PTPRQ: variants seen among roughly 807,000 people sequenced by gnomAD.
The protein encoded by PTPRQ is phosphatidylinositol phosphatase PTPRQ.
A neutral mutation model predicts 246.0 loss-of-function variants in PTPRQ; 199 were observed. The ratio of observed to expected loss-of-function variants is 0.81; its 90% confidence interval spans 0.72 to 0.91. The LOEUF is 0.91. Among genes scored for constraint, PTPRQ ranks in the 40% least tolerant of loss-of-function variants. The pLI is 0.00. For missense variants in PTPRQ, 2,624 were observed against 2,528.4 expected (o/e 1.04, Z -0.81); for synonymous variants, 869 against 853.2 (o/e 1.02, Z -0.32).
intron 16 of PTPRQ, among the ~76,000 whole-genome samples, chr12:80,508,668 T>C (rs887225760): frequency 6.6e-6 from 1 of 152,112 alleles, no homozygotes; most frequent in South Asian, 2.1e-4. Flanking sequence ...TGTTAGATTG[T>C]ATTTTAGAAT....
In PTPRQ at chr12:80,534,906, C is replaced by A; in HGVS notation, c.2854C>A (p.Pro952Thr). 1 of 1,549,534 alleles carries A rather than the reference C, an allele frequency of 6.5e-7. No individual in the cohort carries two copies. The highest frequency in any genetic ancestry group is 8.7e-7 in the Non-Finnish European group (1 of 1,146,122). ...TTGTTTTATAGCACCAAGCGATCCT[C>A]CCAAAGATGTTTATTATGCAAACCT... ...QTPEGAPSDPPKDVYYANLSS... is the reference protein window; with the variant it reads ...QTPEGAPSDPTKDVYYANLSS... The change falls in exon 19 of 45, where the codon CCC becomes ACC. Residue 952 changes from proline to threonine, a missense_variant. By Grantham distance (38) the Pro-to-Thr change is conservative. Coordinates refer to ENST00000644991, the MANE Select transcript of PTPRQ (RefSeq NM_001145026.2).
chr12:80,573,098 T>C (rs1311382127), intron 25 of PTPRQ, among the ~76,000 whole-genome samples: 6 of 152,216 alleles, frequency 3.9e-5, no homozygotes, highest in Non-Finnish European at 8.8e-5. Context: ...AATTCACTAG[T>C]GAAACCATCT....
At chr12:80,479,145 A>T (rs1236795395) in intron 8 of PTPRQ, among the ~76,000 whole-genome samples, 1 of 151,934 alleles carries the variant, frequency 6.6e-6, no homozygotes, top group Non-Finnish European at 1.5e-5. Context: ...GGTTACCCTC[A>T]AAGGGAAGCC....
intron 8 of PTPRQ, among the ~76,000 whole-genome samples, chr12:80,480,995 A>G (rs1894027574): frequency 6.6e-6 from 1 of 152,154 alleles, no homozygotes; most frequent in South Asian, 2.1e-4. Context: ...ATCAATAGAA[A>G]AAGAGGGAAT....
chr12:80,655,117 G>A (rs980963071), intron 38 of PTPRQ, among the ~76,000 whole-genome samples: 32 of 152,062 alleles, frequency 2.1e-4, no homozygotes, highest in African/African-American at 7.5e-4. Flanking sequence ...AATAAGAGTG[G>A]TTGATGGGAC....
rs1565840259 is a variant in PTPRQ, at chr12:80,648,076, T to G, written c.5916-821T>G. ...TATTATGCTCTGTTTTTCAAACCAT[T>G]TTTTTTCTTTTATTCATTCTTTGCT... On this transcript the variant is annotated intron_variant, in intron 35 of 44. Transcript: ENST00000644991. Among the ~76,000 whole-genome samples, 3 of 152,050 alleles carry G rather than the reference T, an allele frequency of 2.0e-5. No individual in the cohort carries two copies. In the South Asian group the frequency reaches 6.2e-4, roughly 32 times the overall value.
chr12:80,642,748 G>A (rs1237564085), intron 35 of PTPRQ, among the ~76,000 whole-genome samples: 1 of 150,564 alleles, frequency 6.6e-6, no homozygotes, highest in Non-Finnish European at 1.5e-5. Flanking sequence ...GTGAAACCCC[G>A]TCTCTACTAA....
intron 35 of PTPRQ, among the ~76,000 whole-genome samples, chr12:80,640,522 A>G (rs989553578): frequency 2.6e-5 from 4 of 152,220 alleles, no homozygotes; most frequent in Non-Finnish European, 5.9e-5. Flanking sequence ...GTAATAACAA[A>G]TCAAAAATAA....
At position 80,459,387 on chromosome 12, in the gene PTPRQ, C is replaced by T. The variant is rs1293925927; in HGVS notation, c.564C>T (p.Phe188=). Residue 188 remains phenylalanine, a synonymous_variant, in exon 5 of 45, where the codon TTC becomes TTT. Coordinates refer to ENST00000644991, the MANE Select transcript of PTPRQ (RefSeq NM_001145026.2). ...AACCAAATGGCAAAATTACCAGCTT[C>T]AAGATTAGTGTCAAGCATGCCAGAA... The part of the protein sequence containing the change: ...PRQPNGKITS[F]KISVKHARSG... 3 of 398,330 alleles carry T rather than the reference C, an allele frequency of 7.5e-6. No homozygotes were observed. The highest frequency in any genetic ancestry group is 1.3e-4 in the South Asian group (1 of 7,864). The allele number at this position is 398,330 out of a possible 1,614,324, so 24.7% of individuals were successfully genotyped here.
intron 25 of PTPRQ, among the ~76,000 whole-genome samples, chr12:80,574,952 C>T (rs1011417370): frequency 6.6e-6 from 1 of 152,180 alleles, no homozygotes; most frequent in Non-Finnish European, 1.5e-5. Flanking sequence ...ACTTTAGCAG[C>T]CTCATACTTT....
At chr12:80,604,688 G>A (rs530150639) in intron 26 of PTPRQ, among the ~76,000 whole-genome samples, 8 of 151,460 alleles carry the variant, frequency 5.3e-5, no homozygotes, top group Middle Eastern at 3.4e-3. Context: ...CAAATACTAC[G>A]TTTCTGCAAG....
chr12:80,481,872 A>T (rs1016577945), intron 8 of PTPRQ, among the ~76,000 whole-genome samples: 7 of 151,916 alleles, frequency 4.6e-5, no homozygotes, highest in African/African-American at 1.7e-4. Context: ...AATGAAATAA[A>T]AGAGGATACA....
intron 10 of PTPRQ, 70 bp from the exon 11 acceptor site, chr12:80,494,863 A>G: frequency 6.9e-7 from 1 of 1,457,266 alleles, no homozygotes; most frequent in Non-Finnish European, 9.1e-7. Flanking sequence ...TTTATAGTCT[A>G]AGAAAAAAAT....
intron 34 of PTPRQ, among the ~76,000 whole-genome samples, chr12:80,633,071 C>G (rs7297819): frequency 0.016 from 2,439 of 152,188 alleles, 70 homozygotes; most frequent in African/African-American, 0.055. Context: ...GCCTCACTTT[C>G]GGCCGGCTGG....
At position 80,613,630 on chromosome 12, in the gene PTPRQ, A is replaced by G; in HGVS notation, c.4957A>G (p.Ile1653Val). 6.5e-7 allele frequency: 1 copy of G among 1,545,368 alleles called. No homozygotes were observed. The highest frequency in any genetic ancestry group is 1.2e-5 in the South Asian group (1 of 83,704). ...ACCTAACAACATGACATTTCAGAAG[A>G]TACCAGATGAAGTTACAAAATTTCA... The part of the protein sequence containing the change: ...DPPNNMTFQK[I>V]PDEVTKFQLT... Residue 1653 changes from isoleucine (I) to valine (V), a missense_variant, in exon 29 of 45, where the codon ATA becomes GTA. By Grantham distance (29) the Ile-to-Val change is conservative. Transcript: ENST00000644991.
intron 8 of PTPRQ, among the ~76,000 whole-genome samples, chr12:80,477,652 G>C (rs192845697): frequency 6.6e-6 from 1 of 152,166 alleles, no homozygotes; most frequent in Admixed American, 6.5e-5. Context: ...GACAGTGGGC[G>C]CAGGTCAGTG....
At chr12:80,445,452 T>A in intron 2 of PTPRQ, 39 bp from the exon 3 acceptor site, 1 of 1,251,834 alleles carries the variant, frequency 8.0e-7, no homozygotes. Flanking sequence ...AATGCAATAA[T>A]TATTTGACCT....
rs1231432131 is a variant in PTPRQ, at chr12:80,481,017, C to T, written c.1187-3416C>T. On this transcript the variant is annotated intron_variant, in intron 8 of 44. Transcript: ENST00000644991. ...GAAAAAGAGGGAATCCTCCCTAACT[C>T]ATTTTATGAGGCCAGCATCATTCTG... Among the ~76,000 whole-genome samples, 12 of 152,132 alleles carry T rather than the reference C, an allele frequency of 7.9e-5. 1 individual carries two copies. Among genetic ancestry groups the T allele is most frequent in the Non-Finnish European group, 1.5e-4 (10 of 68,020 alleles).
chr12:80,662,628 T>G (rs1000377535), intron 39 of PTPRQ, among the ~76,000 whole-genome samples: 1 of 152,048 alleles, frequency 6.6e-6, no homozygotes, highest in Non-Finnish European at 1.5e-5. Flanking sequence ...AAATACATGT[T>G]ATTTTTATTG....
Sources: allele counts gnomAD v4.1 joint callset (sites outside exome capture counted in the v4.1 genomes callset), GRCh38; gene constraint gnomAD v4.1.1; transcripts MANE v1.5; gene names NCBI Gene and HGNC (gene_info 2026-07-23, HGNC 2026-07-21).